The following GARNL3 variants were observed in gnomAD, a reference collection of about 807,000 sequenced individuals.
GARNL3 encodes the protein GTPase activating Rap/RanGAP domain like 3.
Under a neutral mutation model 125.0 loss-of-function variants are expected in GARNL3, and 63 were observed. The observed-to-expected ratio is 0.50, with a 90% CI of 0.41 to 0.62. GARNL3 has a LOEUF of 0.62. GARNL3 is among the 20% of genes least tolerant of loss of function. The pLI is 0.00. For synonymous variants in GARNL3, 439 were observed against 457.5 expected (o/e 0.96, Z 0.52); for missense variants, 994 against 1,244.0 (o/e 0.80, Z 3.02).
intron 6 of GARNL3, among the ~76,000 whole-genome samples, chr9:127,321,978 T>C (rs1022783309): frequency 5.9e-5 from 9 of 152,206 alleles, no homozygotes; most frequent in African/African-American, 2.2e-4. Flanking sequence ...ACCCCAAATA[T>C]AGAGAGTTGT....
intron 4 of GARNL3, among the ~76,000 whole-genome samples, chr9:127,313,848 T>C (rs1194874609): frequency 6.6e-6 from 1 of 152,228 alleles, no homozygotes; most frequent in Non-Finnish European, 1.5e-5. Context: ...TTTGTCTCTT[T>C]TGGGCAAAGA....
At chr9:127,382,393 G>A (rs1237227918) in intron 22 of GARNL3, among the ~76,000 whole-genome samples, 1 of 152,032 alleles carries the variant, frequency 6.6e-6, no homozygotes, top group Admixed American at 6.6e-5. Context: ...GAGACAAGAG[G>A]ATTGCTTGAG....
At chr9:127,234,853 T>G (rs1408706768) in intron 1 of GARNL3, among the ~76,000 whole-genome samples, 2 of 152,160 alleles carry the variant, frequency 1.3e-5, no homozygotes, top group South Asian at 2.1e-4. Context: ...AAGGACATAT[T>G]CATGAGAGCT....
chr9:127,335,563 A>C (rs7855101), intron 10 of GARNL3, among the ~76,000 whole-genome samples: 4 of 151,984 alleles, frequency 2.6e-5, no homozygotes, highest in African/African-American at 9.7e-5. Context: ...AATAATGTGC[A>C]TGCGTGTGTA....
upstream of GARNL3, among the ~76,000 whole-genome samples, chr9:127,259,191 C>T (rs1246549712): frequency 6.6e-6 from 1 of 152,164 alleles, no homozygotes; most frequent in Non-Finnish European, 1.5e-5. Flanking sequence ...AGGAGGTTGT[C>T]CTGCTTTCCA....
intron 7 of GARNL3, among the ~76,000 whole-genome samples, chr9:127,331,357 G>T (rs1243724024): frequency 6.6e-6 from 1 of 152,030 alleles, no homozygotes; most frequent in Non-Finnish European, 1.5e-5. Flanking sequence ...GCCAGGCATG[G>T]TGGCATATGC....
chr9:127,267,319 T>A (rs2063726066), intron 1 of GARNL3, among the ~76,000 whole-genome samples: 1 of 152,240 alleles, frequency 6.6e-6, no homozygotes, highest in South Asian at 2.1e-4. Context: ...TTGCAGCAAC[T>A]GTTTTCATCT....
At chr9:127,287,446 T>C (rs1045731713) in intron 1 of GARNL3, among the ~76,000 whole-genome samples, 21 of 152,242 alleles carry the variant, frequency 1.4e-4, no homozygotes, top group African/African-American at 5.1e-4. Flanking sequence ...GATAATCAGC[T>C]TCTGTACTGC....
chr9:127,345,141 C>T (rs1247603635), intron 15 of GARNL3, among the ~76,000 whole-genome samples: 1 of 152,002 alleles, frequency 6.6e-6, no homozygotes, highest in Non-Finnish European at 1.5e-5. Context: ...TTTTTTCAAG[C>T]TCATGGTTTA....
chr9:127,259,731 G>A (rs1389472832), upstream of GARNL3, among the ~76,000 whole-genome samples: 1 of 151,970 alleles, frequency 6.6e-6, no homozygotes, highest in African/African-American at 2.4e-5. Context: ...AACCTGAGAG[G>A]GATTCATATT....
chr9:127,284,119 C>G (rs2064177519), intron 1 of GARNL3, among the ~76,000 whole-genome samples: 1 of 151,546 alleles, frequency 6.6e-6, no homozygotes, highest in African/African-American at 2.4e-5. Context: ...GCATCAGATC[C>G]TTCACCTCCT....
At chr9:127,370,625 T>C (rs957738862) in intron 22 of GARNL3, among the ~76,000 whole-genome samples, 2 of 152,208 alleles carry the variant, frequency 1.3e-5, no homozygotes, top group African/African-American at 2.4e-5. Context: ...AGGAGACTTT[T>C]CTGTCCCCAC....
chr9:127,312,466 G>A (rs2065122358), intron 3 of GARNL3, among the ~76,000 whole-genome samples: 1 of 150,690 alleles, frequency 6.6e-6, no homozygotes, highest in Non-Finnish European at 1.5e-5. Context: ...CATACCAACA[G>A]CTCAGTCATT....
In GARNL3 at chr9:127,355,487, T is replaced by C. The variant is rs369021866; in HGVS notation, c.1935+15T>C. ...AGTACATCAGGGTAGGTTTGCTCTT[T>C]AAATCATTTATCTCCCAACCAAGTT... On this transcript the variant is annotated intron_variant, in intron 20 of 27. Coordinates refer to ENST00000373387, the MANE Select transcript of GARNL3 (RefSeq NM_032293.5). The C allele has an allele frequency of 3.1e-5, 50 of 1,611,922 alleles. No individual in the cohort carries two copies. The highest frequency in any genetic ancestry group is 3.5e-5 in the Non-Finnish European group (41 of 1,178,000).
chr9:127,388,677 C>T (rs545424465), intron 25 of GARNL3: 163 of 565,064 alleles, frequency 2.9e-4, no homozygotes, highest in African/African-American at 2.9e-3. Context: ...TGTGCAGTCA[C>T]GAGTGCATTT....
intron 14 of GARNL3, 142 bp downstream of exon 14, chr9:127,342,476 A>G (rs1829913483): frequency 1.7e-6 from 1 of 601,134 alleles, no homozygotes. Context: ...TGTGGCCACC[A>G]TGGGCTGACA....
Position 127,389,123 on chromosome 9 carries a change from A to G in GARNL3, c.2743+4A>G. ...AGGACCCGCAGGGAACTACTGGGTA[A>G]TGGTTCTCAATCCTGGTTTCCACTG... On this transcript the variant is annotated splice_donor_region_variant and intron_variant, in intron 26 of 27. Transcript: ENST00000373387. The G allele has an allele frequency of 6.2e-7, 1 of 1,603,178 alleles. No homozygotes were observed. The highest frequency in any genetic ancestry group is 1.1e-5 in the South Asian group (1 of 90,826).
chr9:127,346,066 AG>A (rs1830120668), intron 16 of GARNL3, among the ~76,000 whole-genome samples: 1 of 152,224 alleles, frequency 6.6e-6, no homozygotes, highest in South Asian at 2.1e-4. Flanking sequence ...CTTAATCTAC[AG>A]TTCACTCAGC....
chr9:127,318,014 G>A (rs371325104), intron 4 of GARNL3, 49 bp from the exon 5 acceptor site: 40 of 1,111,242 alleles, frequency 3.6e-5, no homozygotes, highest in Non-Finnish European at 5.0e-5. Flanking sequence ...CTCTTTTGGA[G>A]AAGGAAGTTG....
Sources: allele counts gnomAD v4.1 joint callset (sites outside exome capture counted in the v4.1 genomes callset), GRCh38; gene constraint gnomAD v4.1.1; transcripts MANE v1.5; gene names NCBI Gene and HGNC (gene_info 2026-07-23, HGNC 2026-07-21).